Variants in COTL1 observed in about 807,000 individuals in gnomAD.
COTL1 encodes the protein coactosin-like protein.
Under a neutral mutation model 16.5 loss-of-function variants are expected in COTL1, and 15 were observed. The ratio of observed to expected loss-of-function variants is 0.91; its 90% CI spans 0.61 to 1.40. COTL1 has a LOEUF of 1.40. Ranked by LOEUF, COTL1 falls within the 40% of genes most tolerant of loss-of-function variation. The probability of loss-of-function intolerance (pLI) is 0.00; values close to 1 mark genes in which losing one functional copy is unlikely to be tolerated. For synonymous variants in COTL1, 112 were observed against 85.3 expected, an observed-to-expected ratio of 1.31 and a Z score of -1.73; for missense variants, 220 against 201.5, an observed-to-expected ratio of 1.09 and a Z score of -0.56.
chr16:84,602,938 A>G (rs1358650137), intron 2 of COTL1, among the ~76,000 whole-genome samples: 1 of 152,202 alleles, frequency 6.6e-6, no homozygotes, highest in Non-Finnish European at 1.5e-5. Context: ...TGCCTGCGTA[A>G]CAAGGAAGCT....
rs538608769 is a variant in COTL1, at chr16:84,592,596, G to C, written c.161-2334C>G. Among the ~76,000 whole-genome samples the C allele has an allele frequency of 4.3e-4, 12 of 27,850 alleles. No individual in the cohort carries two copies. The South Asian group carries it at 0.012, about 29-fold the overall frequency. The allele number at this position is 27,850 out of a possible 152,430, so 18.3% of individuals were successfully genotyped here. Reference sequence around the variant, plus strand: ...GCTACTGGTCAAAGGATCACACTGAGTTAAAAAAAAAAAAAAAAATCAATC... The same window carrying C: ...GCTACTGGTCAAAGGATCACACTGACTTAAAAAAAAAAAAAAAAATCAATC... On this transcript the variant is annotated intron_variant, in intron 2 of 3. Coordinates refer to ENST00000262428, the MANE Select transcript of COTL1 (RefSeq NM_021149.5).
At chr16:84,608,069 A>C (rs1233354067) in intron 2 of COTL1, among the ~76,000 whole-genome samples, 1 of 152,168 alleles carries the variant, frequency 6.6e-6, no homozygotes, top group African/African-American at 2.4e-5. Context: ...AGGGAGGTAA[A>C]GTGGATCAGA....
intron 3 of COTL1, chr16:84,576,053 T>A (rs752459055): frequency 3.3e-5 from 5 of 152,172 alleles, no homozygotes; most frequent in Non-Finnish European, 7.4e-5. Flanking sequence ...AGTAGCTAGT[T>A]CCTCTTCTCA....
intron 3 of COTL1, among the ~76,000 whole-genome samples, chr16:84,580,055 C>A (rs7206212): frequency 6.6e-6 from 1 of 152,244 alleles, no homozygotes; most frequent in Non-Finnish European, 1.5e-5. Flanking sequence ...AGGCCAGCTG[C>A]TGGCAGGTGC....
chr16:84,599,599 A>C (rs75359732), intron 2 of COTL1, among the ~76,000 whole-genome samples: 3,645 of 152,298 alleles, frequency 0.024, 69 homozygotes, highest in African/African-American at 0.04. Context: ...AAAAAGAATC[A>C]TTTCAGAATT....
chr16:84,588,957 C>A (rs1904797468), intron 3 of COTL1, among the ~76,000 whole-genome samples: 1 of 152,000 alleles, frequency 6.6e-6, no homozygotes, highest in African/African-American at 2.4e-5. Flanking sequence ...CATCATTAGA[C>A]TATTATTTTT....
chr16:84,617,693 G>C, intron 1 of COTL1, 110 bp from the exon 2 acceptor site: 1 of 1,384,718 alleles, frequency 7.2e-7, no homozygotes, highest in South Asian at 1.2e-5. Context: ...GGAGAAGCCC[G>C]CGGGGGCCTG....
At chr16:84,585,047 A>G (rs966576028) in intron 3 of COTL1, among the ~76,000 whole-genome samples, 14 of 152,226 alleles carry the variant, frequency 9.2e-5, no homozygotes, top group African/African-American at 3.1e-4. Context: ...AAACAAAAGA[A>G]AAGAAAAATT....
chr16:84,617,636 C>A, intron 1 of COTL1, 53 bp from the exon 2 acceptor site: 1 of 1,517,320 alleles, frequency 6.6e-7, no homozygotes, highest in African/African-American at 1.4e-5. Context: ...CTGGTGGCCG[C>A]GCGACGCGGC....
In COTL1 at chr16:84,617,899, C is replaced by T; in HGVS notation, c.16G>A (p.Asp6Asn). 1.9e-6 allele frequency: 3 copies of T among 1,562,534 alleles called. No individual in the cohort carries two copies. Among genetic ancestry groups the T allele is most frequent in the Non-Finnish European group, 2.6e-6 (3 of 1,154,590 alleles). Residue 6 changes from aspartate to asparagine, a missense_variant, in exon 1 of 4, where the codon GAC becomes AAC. Transcript: ENST00000262428. The part of the protein sequence containing the change: MATKI[D>N]KEACRAAYNL... Reference sequence around the variant, plus strand: ...TACGCCGCCCGGCAAGCCTCTTTGTCGATCTTGGTGGCCATCGCCGCGGAG... The same window carrying T: ...TACGCCGCCCGGCAAGCCTCTTTGTTGATCTTGGTGGCCATCGCCGCGGAG...
At chr16:84,581,597 G>T (rs1255504224) in intron 3 of COTL1, among the ~76,000 whole-genome samples, 1 of 152,158 alleles carries the variant, frequency 6.6e-6, no homozygotes, top group Non-Finnish European at 1.5e-5. Context: ...TCTTCCTCCT[G>T]GGTTCAAGCG....
chr16:84,599,294 G>T (rs1389468879), intron 2 of COTL1, among the ~76,000 whole-genome samples: 2 of 152,240 alleles, frequency 1.3e-5, no homozygotes, highest in Non-Finnish European at 2.9e-5. Flanking sequence ...CCCCGAGGAA[G>T]GAGGATCTGC....
chr16:84,611,430 G>C (rs755838026), intron 2 of COTL1, among the ~76,000 whole-genome samples: 1 of 152,206 alleles, frequency 6.6e-6, no homozygotes, highest in Non-Finnish European at 1.5e-5. Context: ...CAGTTGTTGT[G>C]GGAGGTGGCT....
intron 3 of COTL1, chr16:84,575,494 A>C (rs754983321): frequency 6.6e-6 from 1 of 152,030 alleles, no homozygotes; most frequent in Non-Finnish European, 1.5e-5. Context: ...AGTAGCTGGG[A>C]TTACAGGCAC....
intron 2 of COTL1, among the ~76,000 whole-genome samples, chr16:84,606,834 G>A (rs940193298): frequency 1.3e-5 from 2 of 152,222 alleles, no homozygotes; most frequent in African/African-American, 2.4e-5. Context: ...TGTCCCAGGT[G>A]CCCACAGCAG....
Position 84,602,732 on chromosome 16 carries a change from G to A in COTL1, c.161-12470C>T, listed in dbSNP as rs550067953. On this transcript the variant is annotated intron_variant, in intron 2 of 3. Transcript: ENST00000262428. ...TAGCCATTCATGGTGGTGCACACCT[G>A]TAATCCCAGCTACTCGGGAGGCTGA... Among the ~76,000 whole-genome samples the A allele has an allele frequency of 3.7e-3, 561 of 152,164 alleles. 1 individual carries two copies. Among genetic ancestry groups the A allele is most frequent in the Non-Finnish European group, 6.7e-3 (453 of 68,014 alleles).
chr16:84,571,621 C>T (rs981662592), intron 3 of COTL1, among the ~76,000 whole-genome samples: 8 of 152,218 alleles, frequency 5.3e-5, no homozygotes, highest in African/African-American at 1.9e-4. Context: ...ACTCCTAGCA[C>T]CTTCCAAATA....
intron 3 of COTL1, among the ~76,000 whole-genome samples, chr16:84,582,371 T>C (rs1473390388): frequency 2.0e-5 from 3 of 152,166 alleles, no homozygotes; most frequent in Non-Finnish European, 4.4e-5. Flanking sequence ...TTCAGGCTCC[T>C]GAGCTCAAGC....
chr16:84,582,418 A>G (rs941581200), intron 3 of COTL1, among the ~76,000 whole-genome samples: 10 of 152,236 alleles, frequency 6.6e-5, no homozygotes, highest in Admixed American at 1.3e-4. Flanking sequence ...TACTAGGATT[A>G]CAGGCATAAG....
Sources: allele counts gnomAD v4.1 joint callset (sites outside exome capture counted in the v4.1 genomes callset), GRCh38; gene constraint gnomAD v4.1.1; transcripts MANE v1.5; gene names NCBI Gene and HGNC (gene_info 2026-07-23, HGNC 2026-07-21).